Variants in MYSM1 observed in about 807,000 individuals in gnomAD.
MYSM1 encodes the protein deubiquitinase MYSM1.
A neutral mutation model predicts 116.0 loss-of-function variants in MYSM1; 51 were observed. That is an observed-to-expected ratio of 0.44 (90% CI 0.35 to 0.56). The LOEUF is 0.56. Among genes scored for constraint, MYSM1 ranks in the 20% least tolerant of loss-of-function variants. The pLI is 0.00. For missense variants in MYSM1, 900 were observed against 974.9 expected, an observed-to-expected ratio of 0.92 and a Z score of 1.02; for synonymous variants, 313 against 315.2, an observed-to-expected ratio of 0.99 and a Z score of 0.07.
intron 6 of MYSM1, 103 bp downstream of exon 6, chr1:58,688,935 T>G: frequency 9.7e-7 from 1 of 1,034,448 alleles, no homozygotes; most frequent in Admixed American, 2.9e-5. Flanking sequence ...AAACTGTAAT[T>G]AAAAAGAAAA....
At chr1:58,687,111 G>C (rs1644838151) in intron 6 of MYSM1, among the ~76,000 whole-genome samples, 1 of 152,058 alleles carries the variant, frequency 6.6e-6, no homozygotes, top group Non-Finnish European at 1.5e-5. Flanking sequence ...CTACTCCCAA[G>C]CCTGAGAGAA....
At position 58,661,707 on chromosome 1, in the gene MYSM1, C is replaced by T. The variant is rs577276942; in HGVS notation, c.2165-196G>A. Among the ~76,000 whole-genome samples the T allele has an allele frequency of 4.6e-5, 7 of 152,072 alleles. No homozygotes were observed. The East Asian group carries it at 5.8e-4, about 13-fold the overall frequency. On this transcript the variant is annotated intron_variant, in intron 17 of 19. Coordinates refer to ENST00000472487, the MANE Select transcript of MYSM1 (RefSeq NM_001085487.3). The stretch of plus-strand genomic sequence containing the variant: ...ACTTGGTCCACTAAGCATATTAATG[C>T]CAAGCTATTAATAATAATAATGAGT...
intron 8 of MYSM1, among the ~76,000 whole-genome samples, chr1:58,677,864 G>T (rs934044019): frequency 6.6e-6 from 1 of 152,088 alleles, no homozygotes; most frequent in Admixed American, 6.6e-5. Context: ...AAGGGGGTCA[G>T]AGTAAAGCAC....
At chr1:58,680,824 AT>A (rs11460082) in intron 8 of MYSM1, among the ~76,000 whole-genome samples, 4,974 of 145,716 alleles carry the variant, frequency 0.034, 169 homozygotes, top group African/African-American at 0.086. Context: ...TTTAAAAATA[AT>A]TTTTTTTTTT....
Position 58,689,068 on chromosome 1 carries a change from T to C in MYSM1, c.369A>G (p.Ile123Met). 6.2e-7 allele frequency: 1 copy of C among 1,611,720 alleles called. No individual in the cohort carries two copies. Among genetic ancestry groups the C allele is most frequent in the Non-Finnish European group, 8.5e-7 (1 of 1,179,526 alleles). The change falls in exon 6 of 20, where the codon ATA becomes ATG. Residue 123 changes from isoleucine to methionine, a missense_variant. By Grantham distance (10) the Ile-to-Met change is conservative (BLOSUM62 1). This residue lies in a region of MYSM1 where 622 missense variants were observed against 623.7 expected (regional missense o/e 1.00). Coordinates refer to ENST00000472487, the MANE Select transcript of MYSM1 (RefSeq NM_001085487.3). Reference protein sequence around the residue: ...KPASYSVKWTIEEKELFEQGL... With the variant: ...KPASYSVKWTMEEKELFEQGL... ...CTTGTTCAAACAGCTCTTTTTCTTC[T>C]ATCGTCCACTTTACTGAGTAACTGG...
chr1:58,681,348 A>G (rs938987017), intron 8 of MYSM1, among the ~76,000 whole-genome samples: 4 of 152,232 alleles, frequency 2.6e-5, no homozygotes, highest in Admixed American at 2.0e-4. Flanking sequence ...CACAAGTTCA[A>G]AGTTAAAAGC....
chr1:58,672,363 G>C (rs1385876853), intron 11 of MYSM1, among the ~76,000 whole-genome samples: 1 of 152,004 alleles, frequency 6.6e-6, no homozygotes, highest in Non-Finnish European at 1.5e-5. Context: ...GTCTGGCCCA[G>C]TTATTTACTA....
Position 58,662,981 on chromosome 1 carries a change from T to C in MYSM1, c.2165-1470A>G, listed in dbSNP as rs567307791. On this transcript the variant is annotated intron_variant, in intron 17 of 19. Transcript: ENST00000472487. ...ATAACCACCCACTGAAAACCTATTA[T>C]TTGCTAAACACTTTACATATATTAC... Among the ~76,000 whole-genome samples, 16 of 152,306 alleles carry C rather than the reference T, an allele frequency of 1.1e-4. No homozygotes were observed. In the South Asian group the frequency reaches 3.3e-3, roughly 32 times the overall value.
intron 1 of MYSM1, among the ~76,000 whole-genome samples, chr1:58,696,000 A>G (rs1225313018): frequency 6.6e-6 from 1 of 152,214 alleles, no homozygotes; most frequent in African/African-American, 2.4e-5. Flanking sequence ...TCCATCTCTA[A>G]GACTGCAAAA....
rs757119066 is a variant in MYSM1 at position 58,677,015 on chromosome 1, C to T, written c.1301G>A (p.Arg434His). The change falls in exon 9 of 20, where the codon CGT (arginine) becomes CAT (histidine). Residue 434 changes from arginine to histidine, a missense_variant. Physicochemically the swap from Arg to His is conservative, Grantham distance 29. Coordinates refer to ENST00000472487, the MANE Select transcript of MYSM1 (RefSeq NM_001085487.3). ...ATCTCCACAGTTCTTCAGGCCAGGACGTACTGAGGTCTTATTTAAGTATTT... is the reference window on the plus strand; with the variant it reads ...ATCTCCACAGTTCTTCAGGCCAGGATGTACTGAGGTCTTATTTAAGTATTT... ...KPKYLNKTSV[R>H]PGLKNCGDVN... 1.9e-6 allele frequency: 3 copies of T among 1,609,262 alleles called. No individual in the cohort carries two copies. Among genetic ancestry groups the T allele is most frequent in the Admixed American group, 1.7e-5 (1 of 59,248 alleles).
intron 6 of MYSM1, among the ~76,000 whole-genome samples, chr1:58,686,307 A>G (rs1644826991): frequency 6.6e-6 from 1 of 152,252 alleles, no homozygotes; most frequent in East Asian, 1.9e-4. Context: ...ACTGTTAGGT[A>G]TCAAGTCTAA....
At chr1:58,697,441 C>T (rs1644991645) in intron 1 of MYSM1, among the ~76,000 whole-genome samples, 1 of 151,974 alleles carries the variant, frequency 6.6e-6, no homozygotes, top group Non-Finnish European at 1.5e-5. Flanking sequence ...TATGGTTCAA[C>T]CTAACAAAGA....
At chr1:58,683,709 C>G (rs188956807) in intron 7 of MYSM1, among the ~76,000 whole-genome samples, 2 of 152,224 alleles carry the variant, frequency 1.3e-5, no homozygotes, top group Admixed American at 1.3e-4. Context: ...CTGTATCACA[C>G]AGAATTCCAG....
At chr1:58,690,156 T>TA (rs546081743) in intron 5 of MYSM1, 70 bp downstream of exon 5, 200 of 1,296,672 alleles carry the variant, frequency 1.5e-4, no homozygotes, top group Admixed American at 3.6e-4. Context: ...CAACTATAAT[T>TA]AAAAAAAAAT....
intron 8 of MYSM1, among the ~76,000 whole-genome samples, chr1:58,680,924 A>G (rs1349983000): frequency 6.6e-6 from 1 of 151,564 alleles, no homozygotes; most frequent in Non-Finnish European, 1.5e-5. Context: ...CAGGTTCAAG[A>G]GATTCTCCTG....
Position 58,680,429 on chromosome 1 carries a change from T to C in MYSM1, c.1259+1356A>G, listed in dbSNP as rs1210568954. On this transcript the variant is annotated intron_variant, in intron 8 of 19. Transcript: ENST00000472487. The stretch of plus-strand genomic sequence containing the variant: ...GCTCTTTAACAACTATAAAGCACTA[T>C]GTAAAGTCAGGAGTTGTTCCTTGCA... 2.6e-5 allele frequency among the ~76,000 whole-genome samples: 4 copies of C among 152,248 alleles called. No individual in the cohort carries two copies. The East Asian group carries it at 7.7e-4, about 29-fold the overall frequency.
chr1:58,682,070 T>C lies in MYSM1; in HGVS notation c.974A>G (p.Lys325Arg). Residue 325 changes from lysine to arginine, a missense_variant, in exon 8 of 20, where the codon AAG becomes AGG. Transcript: ENST00000472487. ...AACTATTATTCCCCTTCCATCATGC[T>C]TGTTGCAGTTTTTAATCAATTCATT... ...KFNELIKNCN[K>R]HDGRGIIVDA... 6.2e-7 allele frequency: 1 copy of C among 1,614,180 alleles called. No homozygotes were observed. The highest frequency in any genetic ancestry group is 8.5e-7 in the Non-Finnish European group (1 of 1,180,022).
chr1:58,669,686 A>G (rs1035523094), intron 12 of MYSM1, among the ~76,000 whole-genome samples: 1 of 151,356 alleles, frequency 6.6e-6, no homozygotes. Context: ...AAACTAGCTG[A>G]GCGTGGTGGC....
chr1:58,674,809 C>A (rs980198421), intron 10 of MYSM1, among the ~76,000 whole-genome samples: 2 of 151,704 alleles, frequency 1.3e-5, no homozygotes, highest in African/African-American at 4.8e-5. Context: ...CACCTGTAGT[C>A]CCAGCTACTC....
Sources: gnomAD v4.1 joint callset for allele counts (sites outside exome capture counted in the v4.1 genomes callset) on GRCh38, gnomAD v4.1.1 for gene constraint, gnomAD v4.1.1 regional missense constraint, MANE v1.5 for transcripts, NCBI Gene and HGNC (gene_info 2026-07-23, HGNC 2026-07-21) for gene names.